Variants in ZRANB1 observed in about 807,000 individuals in gnomAD.
The protein encoded by ZRANB1 is zinc finger RANBP2-type containing 1, also known as ubiquitin thioesterase ZRANB1.
ZRANB1 carries 16 observed loss-of-function variants against 80.5 expected under a neutral mutation model. The ratio of observed to expected loss-of-function variants is 0.20; its 90% CI spans 0.13 to 0.30. The LOEUF is 0.30. ZRANB1 is among the 10% of genes least tolerant of loss of function. The pLI is 1.00. For missense variants in ZRANB1, 576 were observed against 862.6 expected (o/e 0.67, Z 4.16); for synonymous variants, 291 against 293.1 (o/e 0.99, Z 0.07).
the ZRANB1 span, among the ~76,000 whole-genome samples, chr10:124,918,718 G>A: frequency 6.6e-6 from 1 of 152,202 alleles, no homozygotes; most frequent in African/African-American, 2.4e-5. Flanking sequence ...GAGAAATAAA[G>A]CTGGATCTTG....
chr10:124,973,417 A>G (rs932535487), intron 3 of ZRANB1, among the ~76,000 whole-genome samples: 3 of 152,228 alleles, frequency 2.0e-5, no homozygotes, highest in Non-Finnish European at 4.4e-5. Flanking sequence ...TCAGCCTCCC[A>G]AAGTGCTGGA....
chr10:124,922,678 T>C, the ZRANB1 span, among the ~76,000 whole-genome samples: 1 of 151,308 alleles, frequency 6.6e-6, no homozygotes, highest in African/African-American at 2.4e-5. Flanking sequence ...TATCTTTTAG[T>C]AGAGATGGGG....
At chr10:124,984,201 A>G (rs7075817) in intron 8 of ZRANB1, 7,547 of 156,702 alleles carry the variant, frequency 0.048, 275 homozygotes, top group South Asian at 0.099. Flanking sequence ...GGTCTGGTGC[A>G]TGGCAGGAGC....
intron 1 of ZRANB1, among the ~76,000 whole-genome samples, chr10:124,956,775 G>A (rs1340127775): frequency 6.6e-5 from 10 of 152,086 alleles, no homozygotes; most frequent in Non-Finnish European, 1.2e-4. Flanking sequence ...CCTGGCCCCT[G>A]TCATTATTTT....
Position 124,959,170 on chromosome 10 carries a change from A to G in ZRANB1, c.815-7424A>G, listed in dbSNP as rs530709184. ...TACAGGGTCCTAGAAGGAGCATAGA[A>G]CCTAATCTCATTAGGAGATTTGGAG... is the stretch of plus-strand genomic sequence containing the variant. On this transcript the variant is annotated intron_variant, in intron 1 of 8. Transcript: ENST00000359653. 2.6e-5 allele frequency among the ~76,000 whole-genome samples: 4 copies of G among 152,322 alleles called. No individual in the cohort carries two copies. In the East Asian group the frequency reaches 7.7e-4, roughly 29 times the overall value.
At chr10:124,959,666 CCCAGGCT>C (rs1288140237) in intron 1 of ZRANB1, among the ~76,000 whole-genome samples, 1 of 152,122 alleles carries the variant, frequency 6.6e-6, no homozygotes, top group Non-Finnish European at 1.5e-5. Flanking sequence ...TTGGGTTTCT[CCCAGGCT>C]GGTCTTGAAC....
At chr10:124,928,695 T>G in the ZRANB1 span, among the ~76,000 whole-genome samples, 2 of 152,164 alleles carry the variant, frequency 1.3e-5, no homozygotes, top group Non-Finnish European at 2.9e-5. Flanking sequence ...ACAAAGTCTT[T>G]GCTAATTGTG....
chr10:124,940,608 C>A, upstream of ZRANB1: 1 of 1,110,854 alleles, frequency 9.0e-7, no homozygotes, highest in Non-Finnish European at 1.2e-6. Context: ...ATTTTTTTTT[C>A]TTCTTAGCAG....
intron 2 of ZRANB1, among the ~76,000 whole-genome samples, chr10:124,969,108 CAGGG>C (rs1478264894): frequency 6.6e-6 from 1 of 152,162 alleles, no homozygotes; most frequent in African/African-American, 2.4e-5. Context: ...GGCCTGTCTA[CAGGG>C]ATGCTCATGA....
intron 1 of ZRANB1, among the ~76,000 whole-genome samples, chr10:124,951,710 A>T (rs1951640198): frequency 6.6e-6 from 1 of 152,204 alleles, no homozygotes; most frequent in South Asian, 2.1e-4. Flanking sequence ...TAATCCCAGC[A>T]CTTTGGGAGA....
chr10:124,976,131 G>C (rs1218571630), intron 5 of ZRANB1, among the ~76,000 whole-genome samples: 1 of 152,206 alleles, frequency 6.6e-6, no homozygotes, highest in Non-Finnish European at 1.5e-5. Context: ...TGTCACTCCG[G>C]TAGTTTTAGT....
At chr10:124,938,693 T>G (rs893617316), upstream of ZRANB1, among the ~76,000 whole-genome samples, 1 of 151,458 alleles carries the variant, frequency 6.6e-6, no homozygotes, top group African/African-American at 2.4e-5. Flanking sequence ...GAGTGAACAC[T>G]GTACATCATT....
At chr10:124,935,259 A>C in the ZRANB1 span, among the ~76,000 whole-genome samples, 1 of 152,224 alleles carries the variant, frequency 6.6e-6, no homozygotes, top group Non-Finnish European at 1.5e-5. Flanking sequence ...TTATGAAATG[A>C]GAGAAAAACA....
chr10:124,943,396 T>C (rs1298289836), intron 1 of ZRANB1, 89 bp downstream of exon 1: 1 of 1,322,524 alleles, frequency 7.6e-7, no homozygotes, highest in African/African-American at 1.5e-5. Context: ...GACACACGTT[T>C]GTGGTCTTAG....
chr10:124,978,437 T>G (rs547689066), intron 5 of ZRANB1, among the ~76,000 whole-genome samples: 1 of 152,322 alleles, frequency 6.6e-6, no homozygotes, highest in East Asian at 1.9e-4. Context: ...CACTTCAAGA[T>G]AGGCTATTTG....
chr10:124,927,166 A>G, the ZRANB1 span, among the ~76,000 whole-genome samples: 5 of 152,064 alleles, frequency 3.3e-5, no homozygotes, highest in East Asian at 9.7e-4. Context: ...CGTGTTAGCC[A>G]GAATGGTCTC....
chr10:124,928,358 G>T, the ZRANB1 span, among the ~76,000 whole-genome samples: 1 of 152,186 alleles, frequency 6.6e-6, no homozygotes, highest in Non-Finnish European at 1.5e-5. Flanking sequence ...GAATTAGAAG[G>T]GAGGAGTGAT....
chr10:124,971,059 A>G (rs1951821538), intron 2 of ZRANB1, among the ~76,000 whole-genome samples: 1 of 152,014 alleles, frequency 6.6e-6, no homozygotes, highest in Non-Finnish European at 1.5e-5. Context: ...GCTGAGCCGA[A>G]GCAATCCACC....
intron 1 of ZRANB1, among the ~76,000 whole-genome samples, chr10:124,944,272 T>G (rs1036887593): frequency 3.3e-5 from 5 of 152,154 alleles, no homozygotes; most frequent in Non-Finnish European, 5.9e-5. Context: ...ATGAGGGAAA[T>G]TTTGAATGAT....
Sources: allele counts gnomAD v4.1 joint callset (sites outside exome capture counted in the v4.1 genomes callset), GRCh38; gene constraint gnomAD v4.1.1; transcripts MANE v1.5; gene names NCBI Gene and HGNC (gene_info 2026-07-23, HGNC 2026-07-21).